ERBB4: variants seen among roughly 807,000 people sequenced by gnomAD.
ERBB4 encodes erb-b2 receptor tyrosine kinase 4.
In ERBB4, 42 loss-of-function variants were observed where a neutral mutation model predicts 158.0. The ratio of observed to expected loss-of-function variants is 0.27; its 90% confidence interval spans 0.21 to 0.34. The LOEUF is 0.34. ERBB4 is among the 10% of genes least tolerant of loss of function. The pLI is 1.00. For missense variants in ERBB4, 1,333 were observed against 1,624.1 expected (o/e 0.82, Z 3.08); for synonymous variants, 583 against 558.7 (o/e 1.04, Z -0.61).
In ERBB4 at chr2:211,583,970, G is replaced by GC. The variant is rs1559321210; in HGVS notation, c.2302-21883dup. On this transcript the variant is annotated intron_variant, in intron 19 of 27. Transcript: ENST00000342788. ...TAACTACTATTTTTCATTTGGCTATGCATTTCTTTGAAAAGAATTTAAAAA... is the reference window on the plus strand; with the variant it reads ...TAACTACTATTTTTCATTTGGCTATGCCATTTCTTTGAAAAGAATTTAAAAA... Among the ~76,000 whole-genome samples, 5 of 149,272 alleles carry GC rather than the reference G, an allele frequency of 3.3e-5. No individual in the cohort carries two copies. In the South Asian group the frequency reaches 8.7e-4, roughly 26 times the overall value.
chr2:212,040,726 TCTGATTTTGGCCTTCAGG>T (rs2077121690), intron 2 of ERBB4, among the ~76,000 whole-genome samples: 1 of 152,082 alleles, frequency 6.6e-6, no homozygotes, highest in African/African-American at 2.4e-5. Context: ...TCTGTGAACT[TCTGATTTTGGCCTTCAGG>T]CTGTTTGTGA....
intron 20 of ERBB4, among the ~76,000 whole-genome samples, chr2:211,442,844 A>G (rs888295583): frequency 4.6e-5 from 7 of 152,034 alleles, no homozygotes; most frequent in South Asian, 2.1e-4. Context: ...GTAGAAAGCT[A>G]TATTTTTTCG....
intron 1 of ERBB4, among the ~76,000 whole-genome samples, chr2:212,424,477 T>G (rs2091862473): frequency 6.6e-6 from 1 of 152,096 alleles, no homozygotes; most frequent in Admixed American, 6.6e-5. Flanking sequence ...GCCCACTTAT[T>G]TTTTCTCCCA....
At chr2:211,745,737 A>AAC (rs1290875727) in intron 5 of ERBB4, among the ~76,000 whole-genome samples, 3 of 150,842 alleles carry the variant, frequency 2.0e-5, no homozygotes, top group Admixed American at 1.3e-4. Context: ...AAACAAAACA[A>AAC]AAAAAACCCT....
intron 3 of ERBB4, among the ~76,000 whole-genome samples, chr2:211,878,445 G>A (rs1351894614): frequency 6.6e-6 from 1 of 152,100 alleles, no homozygotes; most frequent in Non-Finnish European, 1.5e-5. Context: ...TTTTAGCATA[G>A]TGATGAATTT....
chr2:211,833,556 T>C (rs1312176342), intron 3 of ERBB4, among the ~76,000 whole-genome samples: 1 of 151,980 alleles, frequency 6.6e-6, no homozygotes, highest in Non-Finnish European at 1.5e-5. Flanking sequence ...TATAGATAGA[T>C]ATGATCATCT....
At chr2:211,466,504 C>G (rs1483676277) in intron 20 of ERBB4, among the ~76,000 whole-genome samples, 2 of 152,046 alleles carry the variant, frequency 1.3e-5, no homozygotes, top group Non-Finnish European at 2.9e-5. Context: ...AAGCTAGATT[C>G]TTTGGTACTG....
At chr2:211,409,909 T>G (rs2063222628) in intron 25 of ERBB4, among the ~76,000 whole-genome samples, 1 of 152,180 alleles carries the variant, frequency 6.6e-6, no homozygotes, top group Non-Finnish European at 1.5e-5. Context: ...CTTGCAACTC[T>G]GACACTCCGC....
chr2:212,288,306 G>A (rs984843749), intron 1 of ERBB4, among the ~76,000 whole-genome samples: 2 of 152,302 alleles, frequency 1.3e-5, no homozygotes, highest in Non-Finnish European at 1.5e-5. Flanking sequence ...GGCAAAAGGA[G>A]AATAGGTTAG....
At chr2:212,173,845 TAAAAG>T (rs375939561) in intron 1 of ERBB4, among the ~76,000 whole-genome samples, 13 of 152,170 alleles carry the variant, frequency 8.5e-5, no homozygotes, top group African/African-American at 3.1e-4. Flanking sequence ...GCCAAAGAGA[TAAAAG>T]AAAAGGACTA....
intron 1 of ERBB4, among the ~76,000 whole-genome samples, chr2:212,342,737 T>A (rs1034095801): frequency 2.4e-4 from 37 of 152,208 alleles, no homozygotes; most frequent in South Asian, 2.1e-4. Context: ...TTTTACAACT[T>A]TACTAGACTT....
rs909882500 is a variant in ERBB4 at position 211,862,987 on chromosome 2, A to C, written c.422-74828T>G. Among the ~76,000 whole-genome samples the C allele has an allele frequency of 6.6e-5, 10 of 152,228 alleles. No homozygotes were observed. The South Asian group carries it at 2.1e-3, about 32-fold the overall frequency. ...CAATCAGCACTCTGCGTCTAGCTAA[A>C]GGATTGTAAATGCACCATTCAGCAC... On this transcript the variant is annotated intron_variant, in intron 3 of 27. Transcript: ENST00000342788.
Position 211,760,785 on chromosome 2 carries a change from C to T in ERBB4, c.557-10081G>A, listed in dbSNP as rs528822357. 2.6e-5 allele frequency among the ~76,000 whole-genome samples: 4 copies of T among 152,370 alleles called. No individual in the cohort carries two copies. The East Asian group carries it at 7.7e-4, about 29-fold the overall frequency. On this transcript the variant is annotated intron_variant, in intron 4 of 27. Coordinates refer to ENST00000342788, the MANE Select transcript of ERBB4 (RefSeq NM_005235.3). ...ATGATCAACATCATCAACCTCACCA[C>T]ATCATCTAATGCTTACTGAGCACTC...
At chr2:211,592,828 A>C (rs937257875) in intron 19 of ERBB4, among the ~76,000 whole-genome samples, 6 of 152,004 alleles carry the variant, frequency 3.9e-5, no homozygotes, top group African/African-American at 1.4e-4. Context: ...TGACCAACAT[A>C]GTCAAACCCT....
intron 3 of ERBB4, among the ~76,000 whole-genome samples, chr2:211,942,978 A>G (rs1435233609): frequency 6.6e-6 from 1 of 152,146 alleles, no homozygotes; most frequent in East Asian, 1.9e-4. Context: ...GATATACATA[A>G]AATAGATATG....
chr2:212,392,827 C>A (rs886644094), intron 1 of ERBB4, among the ~76,000 whole-genome samples: 1 of 151,950 alleles, frequency 6.6e-6, no homozygotes, highest in South Asian at 2.1e-4. Context: ...AGATTATATT[C>A]TCTGCTAAGA....
At chr2:212,301,823 T>C (rs552951028) in intron 1 of ERBB4, among the ~76,000 whole-genome samples, 1 of 151,492 alleles carries the variant, frequency 6.6e-6, no homozygotes, top group East Asian at 2.0e-4. Context: ...ACTTATAGGG[T>C]AAACATAGTT....
chr2:212,266,296 G>A (rs1484731784), intron 1 of ERBB4, among the ~76,000 whole-genome samples: 1 of 151,734 alleles, frequency 6.6e-6, no homozygotes, highest in Non-Finnish European at 1.5e-5. Context: ...ACCAAAAGAA[G>A]GACTTCTAAT....
chr2:212,192,089 A>G (rs1004635832), intron 1 of ERBB4, among the ~76,000 whole-genome samples: 5 of 130,310 alleles, frequency 3.8e-5, no homozygotes, highest in East Asian at 2.0e-4. Context: ...TATTATATAT[A>G]TTATATAAGT....
Sources: allele counts gnomAD v4.1 joint callset (sites outside exome capture counted in the v4.1 genomes callset), GRCh38; gene constraint gnomAD v4.1.1; transcripts MANE v1.5; gene names NCBI Gene and HGNC (gene_info 2026-07-23, HGNC 2026-07-21).